The following SLC38A4 variants were observed in gnomAD, a reference collection of about 807,000 sequenced individuals.
SLC38A4 encodes sodium-coupled neutral amino acid transporter 4.
In SLC38A4, 20 loss-of-function variants were observed where a neutral mutation model predicts 63.1. That is an observed-to-expected ratio of 0.32 (90% CI 0.22 to 0.46). SLC38A4 has a LOEUF of 0.46. Among genes scored for constraint, SLC38A4 ranks in the 20% least tolerant of loss-of-function variants. The pLI is 1.00. For synonymous variants in SLC38A4, 230 were observed against 225.5 expected (o/e 1.02, Z -0.18); for missense variants, 526 against 663.6 (o/e 0.79, Z 2.28).
At chr12:46,804,460 GA>G (rs1359393943) in intron 1 of SLC38A4, among the ~76,000 whole-genome samples, 1 of 151,988 alleles carries the variant, frequency 6.6e-6, no homozygotes, top group African/African-American at 2.4e-5. Flanking sequence ...AGTGAGGAAA[GA>G]AAAACAAATC....
intron 1 of SLC38A4, among the ~76,000 whole-genome samples, chr12:46,811,380 A>C (rs1238461395): frequency 1.3e-5 from 2 of 151,932 alleles, no homozygotes; most frequent in Non-Finnish European, 2.9e-5. Context: ...GCTAAATCTG[A>C]AAGAACAAAT....
Position 46,766,756 on chromosome 12 carries a change from A to G in SLC38A4, c.1589T>C (p.Met530Thr). 1.9e-6 allele frequency: 3 copies of G among 1,612,384 alleles called. No homozygotes were observed. Among genetic ancestry groups the G allele is most frequent in the Non-Finnish European group, 1.7e-6 (2 of 1,179,052 alleles). The change falls in exon 17 of 17, where the codon ATG (methionine) becomes ACG (threonine). Residue 530 changes from methionine to threonine, a missense_variant. Met to Thr is a moderately conservative substitution (Grantham distance 81). Transcript: ENST00000266579. ...AATCCAGTCAATTATAATGAGTGCCATGCTTCCAATCATGAAGAATATTCC... is the reference window on the plus strand; with the variant it reads ...AATCCAGTCAATTATAATGAGTGCCGTGCTTCCAATCATGAAGAATATTCC... ...VVGIFFMIGS[M>T]ALIIIDWIYD... is the part of the protein sequence containing the mutation.
intron 2 of SLC38A4, among the ~76,000 whole-genome samples, chr12:46,795,373 A>T (rs564181701): frequency 6.6e-6 from 1 of 152,272 alleles, no homozygotes; most frequent in South Asian, 2.1e-4. Context: ...CAGCAATTAC[A>T]GTATTATCAC....
intron 5 of SLC38A4, among the ~76,000 whole-genome samples, chr12:46,785,515 T>C (rs1031742214): frequency 6.6e-6 from 1 of 152,056 alleles, no homozygotes; most frequent in African/African-American, 2.4e-5. Context: ...TACATCATAT[T>C]TGCATGATAT....
intron 1 of SLC38A4, among the ~76,000 whole-genome samples, chr12:46,831,467 C>T (rs2120947928): frequency 6.6e-6 from 1 of 152,372 alleles, no homozygotes; most frequent in East Asian, 1.9e-4. Flanking sequence ...CGTCCCCGTT[C>T]GCATTTCTGC....
At chr12:46,783,275 A>AG (rs1555170987) in intron 7 of SLC38A4, among the ~76,000 whole-genome samples, 16 of 142,050 alleles carry the variant, frequency 1.1e-4, no homozygotes, top group South Asian at 4.7e-4. Flanking sequence ...ATAGATAGAT[A>AG]AAGATAGATA....
Position 46,808,023 on chromosome 12 carries a change from A to G in SLC38A4, c.-304-4229T>C, listed in dbSNP as rs147180144. Among the ~76,000 whole-genome samples, 1,070 of 152,072 alleles carry G rather than the reference A, an allele frequency of 7.0e-3. 11 individuals carry two copies. The highest frequency in any genetic ancestry group is 0.026 in the South Asian group (125 of 4,814). ...GCCACTTCTATTTTTTTAAGACACC[A>G]AATATACATATATATCTTTGCATTG... On this transcript the variant is annotated intron_variant, in intron 1 of 16. Coordinates refer to ENST00000266579, the MANE Select transcript of SLC38A4 (RefSeq NM_018018.5).
intron 1 of SLC38A4, among the ~76,000 whole-genome samples, chr12:46,831,040 C>T (rs574293850): frequency 2.0e-5 from 3 of 152,320 alleles, no homozygotes; most frequent in Admixed American, 6.5e-5. Context: ...GTCAGCAGCC[C>T]GGTGAGCATT....
chr12:46,769,254 T>G, intron 15 of SLC38A4, 30 bp downstream of exon 15: 1 of 1,611,760 alleles, frequency 6.2e-7, no homozygotes, highest in Non-Finnish European at 8.5e-7. Context: ...GAGTTTGGGT[T>G]GACCAAATTG....
intron 3 of SLC38A4, among the ~76,000 whole-genome samples, chr12:46,788,829 A>AGG (rs1938820091): frequency 6.6e-6 from 1 of 152,166 alleles, no homozygotes; most frequent in Non-Finnish European, 1.5e-5. Flanking sequence ...GAAGGATGTT[A>AGG]TAAAGGAAGG....
chr12:46,780,044 T>C lies in SLC38A4; in HGVS notation c.494-14A>G, dbSNP rs778599573. 7.5e-6 allele frequency: 12 copies of C among 1,593,572 alleles called. No homozygotes were observed. The East Asian group carries it at 1.1e-4, about 15-fold the overall frequency. On this transcript the variant is annotated splice_polypyrimidine_tract_variant and intron_variant, in intron 7 of 16. Transcript: ENST00000266579. ...AGCTTGACATTGCTAAAATGGAAAA[T>C]GTGACAGCTTAATGGTGTGGACAGT...
At chr12:46,815,284 TACACAC>T (rs369027203) in intron 1 of SLC38A4, among the ~76,000 whole-genome samples, 10 of 82,970 alleles carry the variant, frequency 1.2e-4, no homozygotes, top group Non-Finnish European at 2.2e-4. Flanking sequence ...TATATATATA[TACACAC>T]ACACACACAC....
At chr12:46,786,649 C>T (rs1938767206) in intron 5 of SLC38A4, among the ~76,000 whole-genome samples, 1 of 152,016 alleles carries the variant, frequency 6.6e-6, no homozygotes, top group African/African-American at 2.4e-5. Flanking sequence ...ACATACATAG[C>T]TATTAAAATT....
intron 6 of SLC38A4, 29 bp downstream of exon 6, chr12:46,785,075 G>A: frequency 3.3e-6 from 5 of 1,510,536 alleles, no homozygotes; most frequent in Non-Finnish European, 4.6e-6. Flanking sequence ...AATTAAAATA[G>A]AATGTGTTGG....
chr12:46,773,515 A>G (rs533564089), intron 14 of SLC38A4, among the ~76,000 whole-genome samples: 15 of 152,208 alleles, frequency 9.9e-5, no homozygotes, highest in South Asian at 4.1e-4. Flanking sequence ...CTTATGGTCA[A>G]TTTTGGTTCT....
chr12:46,826,187 G>A (rs1939650019), upstream of SLC38A4, among the ~76,000 whole-genome samples: 1 of 152,192 alleles, frequency 6.6e-6, no homozygotes. Flanking sequence ...AGTGTACCCA[G>A]TGTTATTAAA....
chr12:46,780,014 GA>G lies in SLC38A4; in HGVS notation c.509del (p.Leu170ProfsTer11). ...MQNIGAMSSY[L>X]FIIKYELPEV... Reference sequence around the variant, plus strand: ...CAGGTAGTTCATATTTAATGATAAAGAGGTAGCTTGACATTGCTAAAATGGA... The same window carrying G: ...CAGGTAGTTCATATTTAATGATAAAGGGTAGCTTGACATTGCTAAAATGGA... On this transcript the variant is annotated frameshift_variant, in exon 8 of 17. Coordinates refer to ENST00000266579, the MANE Select transcript of SLC38A4 (RefSeq NM_018018.5). LOFTEE classifies it high-confidence loss of function. 6.2e-7 allele frequency: 1 copy of G among 1,612,100 alleles called. No individual in the cohort carries two copies. Among genetic ancestry groups the G allele is most frequent in the Non-Finnish European group, 8.5e-7 (1 of 1,178,742 alleles).
intron 12 of SLC38A4, among the ~76,000 whole-genome samples, chr12:46,777,875 T>A (rs749115484): frequency 9.9e-5 from 15 of 152,170 alleles, no homozygotes; most frequent in Non-Finnish European, 2.1e-4. Flanking sequence ...AGACAAGGGT[T>A]AGGTGCTGAC....
At chr12:46,786,840 T>C (rs999357881) in intron 5 of SLC38A4, among the ~76,000 whole-genome samples, 1 of 152,196 alleles carries the variant, frequency 6.6e-6, no homozygotes, top group Non-Finnish European at 1.5e-5. Context: ...ACTAATCATA[T>C]GTGATATTCA....
Sources: allele counts gnomAD v4.1 joint callset (sites outside exome capture counted in the v4.1 genomes callset), GRCh38; gene constraint gnomAD v4.1.1; transcripts MANE v1.5; gene names NCBI Gene and HGNC (gene_info 2026-07-23, HGNC 2026-07-21).